The following SRGAP3 variants were observed in gnomAD, a reference collection of about 807,000 sequenced individuals.
SRGAP3 encodes SLIT-ROBO Rho GTPase activating protein 3, also known as SLIT-ROBO Rho GTPase-activating protein 3.
Under a neutral mutation model 121.1 loss-of-function variants are expected in SRGAP3, and 39 were observed. The observed-to-expected ratio is 0.32, with a 90% CI of 0.25 to 0.42. The LOEUF is 0.42. Among genes scored for constraint, SRGAP3 ranks in the 10% least tolerant of loss-of-function variants. The pLI is 1.00. For synonymous variants in SRGAP3, 601 were observed against 570.0 expected, an observed-to-expected ratio of 1.05 and a Z score of -0.77; for missense variants, 1,213 against 1,470.6, an observed-to-expected ratio of 0.82 and a Z score of 2.86.
At position 8,981,285 on chromosome 3, in the gene SRGAP3, C is replaced by T; in HGVS notation, c.*4234G>A. On this transcript the variant is annotated 3_prime_UTR_variant, in exon 22 of 22. Coordinates refer to ENST00000383836, the MANE Select transcript of SRGAP3 (RefSeq NM_014850.4). Reference sequence around the variant, plus strand: ...GCATTAGCTCTGCACAGCAGAAAATCAGCTAGGCAACACCTCGGCTCACCC... The same window carrying T: ...GCATTAGCTCTGCACAGCAGAAAATTAGCTAGGCAACACCTCGGCTCACCC... The T allele has an allele frequency of 4.3e-6, 1 of 233,062 alleles. No individual in the cohort carries two copies. Among genetic ancestry groups the T allele is most frequent in the Non-Finnish European group, 8.5e-6 (1 of 117,934 alleles). 14.4% of individuals were successfully genotyped at this position (233,062 alleles called of 1,614,324 possible).
chr3:9,013,187 G>T, intron 17 of SRGAP3, 121 bp downstream of exon 17: 1 of 984,396 alleles, frequency 1.0e-6, no homozygotes, highest in Non-Finnish European at 1.6e-6. Flanking sequence ...GCTCAGATGA[G>T]AAAATGTATA....
At chr3:9,106,002 G>C (rs1948407778) in intron 2 of SRGAP3, among the ~76,000 whole-genome samples, 1 of 152,182 alleles carries the variant, frequency 6.6e-6, no homozygotes. Flanking sequence ...TATCCTGAAA[G>C]TGAAAAACAG....
At chr3:9,356,358 A>ATTT (rs869098475) in intron 1 of SRGAP3, among the ~76,000 whole-genome samples, 8 of 39,648 alleles carry the variant, frequency 2.0e-4, no homozygotes, top group Non-Finnish European at 2.6e-4. Context: ...TGGCCAGCTA[A>ATTT]TTTTTTTTTT....
chr3:9,196,096 T>G (rs370063617), intron 1 of SRGAP3, among the ~76,000 whole-genome samples: 2 of 151,528 alleles, frequency 1.3e-5, no homozygotes. Context: ...ATCCAAAGAG[T>G]GGGTAGGATT....
chr3:9,056,139 T>A (rs1373816744), intron 8 of SRGAP3, 94 bp downstream of exon 8: 1 of 1,112,730 alleles, frequency 9.0e-7, no homozygotes, highest in Non-Finnish European at 1.4e-6. Context: ...AGTGGAACTA[T>A]CATTTCTTAT....
At position 9,218,305 on chromosome 3, in the gene SRGAP3, T is replaced by C. The variant is rs1312538781; in HGVS notation, c.67+30580A>G. On this transcript the variant is annotated intron_variant, in intron 1 of 21. Transcript: ENST00000383836. The surrounding 1 kb of genome is among the most constrained non-coding windows in gnomAD (Gnocchi z 5.3). ...GATGGCAGCCAGATGGCTTTTTAAA[T>C]GTTGATAAGCTGAAGTGTGGCCAGA... 6.6e-6 allele frequency: 1 copy of C among 152,196 alleles called. No individual in the cohort carries two copies. Among genetic ancestry groups the C allele is most frequent in the African/African-American group, 2.4e-5 (1 of 41,438 alleles). 9.4% of individuals were successfully genotyped at this position (152,196 alleles called of 1,614,324 possible).
At chr3:9,281,630 T>C (rs1954681125) in intron 3 of SRGAP3, among the ~76,000 whole-genome samples, 2 of 152,226 alleles carry the variant, frequency 1.3e-5, no homozygotes, top group Non-Finnish European at 2.9e-5. Flanking sequence ...TTATGTAGTG[T>C]AATTAGCGCA....
At chr3:9,334,412 G>A (rs180695393) in intron 1 of SRGAP3, among the ~76,000 whole-genome samples, 10 of 152,188 alleles carry the variant, frequency 6.6e-5, no homozygotes, top group Admixed American at 3.9e-4. Flanking sequence ...AATGTGATAT[G>A]TGTTGTACTA....
intron 1 of SRGAP3, among the ~76,000 whole-genome samples, chr3:9,149,954 C>T (rs980808563): frequency 2.0e-5 from 3 of 152,136 alleles, no homozygotes; most frequent in Non-Finnish European, 2.9e-5. Flanking sequence ...TGAGTGCCCC[C>T]GACGTGTCCA....
intron 1 of SRGAP3, among the ~76,000 whole-genome samples, chr3:9,205,405 A>T (rs1952230534): frequency 6.6e-6 from 1 of 152,224 alleles, no homozygotes; most frequent in Admixed American, 6.5e-5. Context: ...CCACATTTCA[A>T]ATGCTCAATA....
intron 3 of SRGAP3, among the ~76,000 whole-genome samples, chr3:9,286,155 C>CAT (rs1431377664): frequency 1.4e-5 from 2 of 140,900 alleles, no homozygotes; most frequent in African/African-American, 5.5e-5. Context: ...CACACACACA[C>CAT]ACACACATTT....
rs62246980 is a variant in SRGAP3 at position 9,049,761 on chromosome 3, G to A, written c.1324-2286C>T. ...TCCAGTTGCCCATCTTGGGAGAGTG[G>A]TGGTCTGAGAACCTACTTTTTTTTT... On this transcript the variant is annotated intron_variant, in intron 9 of 21. Transcript: ENST00000383836. Among the ~76,000 whole-genome samples the A allele has an allele frequency of 9.2e-3, 1,370 of 149,044 alleles. 14 individuals are homozygous for A. Among genetic ancestry groups the A allele is most frequent in the Non-Finnish European group, 0.014 (961 of 67,664 alleles).
At chr3:9,096,518 C>CT in intron 3 of SRGAP3, among the ~76,000 whole-genome samples, 1 of 152,188 alleles carries the variant, frequency 6.6e-6, no homozygotes, top group African/African-American at 2.4e-5. Flanking sequence ...TTGATAATAC[C>CT]TTTTATCAGG....
intron 3 of SRGAP3, among the ~76,000 whole-genome samples, chr3:9,080,525 A>G (rs540313617): frequency 3.5e-4 from 53 of 152,314 alleles, no homozygotes; most frequent in African/African-American, 1.3e-3. Flanking sequence ...TTGGCATCCC[A>G]ATTCCTCTTG....
At chr3:9,171,018 G>T (rs1290300646) in intron 1 of SRGAP3, among the ~76,000 whole-genome samples, 1 of 152,220 alleles carries the variant, frequency 6.6e-6, no homozygotes, top group African/African-American at 2.4e-5. Context: ...CTGGCCTTGG[G>T]CAGTCAGCTT....
At chr3:9,139,722 C>T (rs556625258) in intron 1 of SRGAP3, among the ~76,000 whole-genome samples, 5 of 152,274 alleles carry the variant, frequency 3.3e-5, no homozygotes, top group South Asian at 4.1e-4. Flanking sequence ...ATGTGCATTG[C>T]GCCACTCTGA....
chr3:9,291,602 C>CCACACA lies in SRGAP3; in HGVS notation n.442+34402_442+34407dup, dbSNP rs71049786. Among the ~76,000 whole-genome samples, 213 of 147,030 alleles carry CCACACA rather than the reference C, an allele frequency of 1.4e-3. 3 individuals carry two copies. Among genetic ancestry groups the CCACACA allele is most frequent in the Non-Finnish European group, 2.3e-3 (150 of 66,502 alleles). On this transcript the variant is annotated intron_variant and non_coding_transcript_variant, in intron 3 of 3. Coordinates refer to the SRGAP3 transcript ENST00000490889. ...AAATGCATCCATTCATGCATCAACA[C>CCACACA]CACACACACACACACACACACACAC...
In SRGAP3 at chr3:9,124,825, G is replaced by C; in HGVS notation, c.160C>G (p.Arg54Gly). ...QLLQDLQEFF[R>G]RKAEIELEYS... ...TCGAGCTCAATCTCAGCTTTCCGGC[G>C]GAAAAACTCCTGGAGGTCTTGAAGC... Residue 54 changes from arginine (R) to glycine (G), a missense_variant, in exon 2 of 22, where the codon CGC becomes GGC. Arg to Gly is a moderately radical substitution (Grantham distance 125, BLOSUM62 -2). Around this residue, in one of 2 missense-constraint regions of SRGAP3, gnomAD observed 793 missense variants for 1,032.9 expected, o/e 0.77. Transcript: ENST00000383836. 1.2e-6 allele frequency: 2 copies of C among 1,614,198 alleles called. No individual in the cohort carries two copies. Among genetic ancestry groups the C allele is most frequent in the Non-Finnish European group, 1.7e-6 (2 of 1,180,040 alleles).
intron 1 of SRGAP3, chr3:9,348,552 A>C: frequency 1.3e-6 from 1 of 776,730 alleles, no homozygotes; most frequent in Non-Finnish European, 2.3e-6. Context: ...GGCCATAAGG[A>C]GGCGAAGTGT....
Sources: allele counts gnomAD v4.1 joint callset (sites outside exome capture counted in the v4.1 genomes callset), GRCh38; gene constraint gnomAD v4.1.1; regional missense constraint gnomAD v4.1.1; non-coding constraint Gnocchi (gnomAD v3.1); transcripts MANE v1.5; gene names NCBI Gene and HGNC (gene_info 2026-07-23, HGNC 2026-07-21).